Variants in TMEM132B observed in about 807,000 individuals in gnomAD.
The protein encoded by TMEM132B is transmembrane protein 132B.
Under a neutral mutation model 90.8 loss-of-function variants are expected in TMEM132B, and 18 were observed. The ratio of observed to expected loss-of-function variants is 0.20; its 90% CI spans 0.14 to 0.29. The LOEUF (loss-of-function observed/expected upper bound fraction) is 0.29. TMEM132B is among the 10% of genes least tolerant of loss of function. The pLI, the probability that TMEM132B is intolerant of heterozygous loss-of-function variation, is 1.00. For missense variants in TMEM132B, 1,096 were observed against 1,326.8 expected, an observed-to-expected ratio of 0.83 and a Z score of 2.70; for synonymous variants, 504 against 523.3, an observed-to-expected ratio of 0.96 and a Z score of 0.50.
chr12:125,616,275 T>A (rs1398172268), intron 5 of TMEM132B, among the ~76,000 whole-genome samples: 1 of 152,104 alleles, frequency 6.6e-6, no homozygotes, highest in East Asian at 1.9e-4. Context: ...AACTCATCAT[T>A]TTTTATGGCT....
intron 1 of TMEM132B, among the ~76,000 whole-genome samples, chr12:125,315,176 G>A (rs1319328215): frequency 1.3e-5 from 2 of 152,264 alleles, no homozygotes; most frequent in Middle Eastern, 3.2e-3. Flanking sequence ...GTGCCTACGC[G>A]AAGGCGCATA....
At position 125,661,214 on chromosome 12, in the gene TMEM132B, C is replaced by T. The variant is rs1322315979; in HGVS notation, c.*6504C>T. 6.6e-6 allele frequency: 1 copy of T among 152,208 alleles called. No individual in the cohort carries two copies. The highest frequency in any genetic ancestry group is 1.9e-4 in the East Asian group (1 of 5,194). 9.4% of individuals were successfully genotyped at this position (152,208 alleles called of 1,614,324 possible). On this transcript the variant is annotated 3_prime_UTR_variant, in exon 9 of 9. Transcript: ENST00000682704. Reference sequence around the variant, plus strand: ...CTGACCATATGATATAGTTATTTCACTTAGAGATGCTTCCTCAAAGAGCGT... The same window carrying T: ...CTGACCATATGATATAGTTATTTCATTTAGAGATGCTTCCTCAAAGAGCGT...
At chr12:125,352,221 A>T (rs1877610374) in intron 2 of TMEM132B, among the ~76,000 whole-genome samples, 1 of 152,258 alleles carries the variant, frequency 6.6e-6, no homozygotes, top group African/African-American at 2.4e-5. Context: ...AATGCTGCAT[A>T]TCAGTGGAAA....
rs1041372073 is a variant in TMEM132B, at chr12:125,490,207, A to G, written c.1107-29232A>G. Among the ~76,000 whole-genome samples the G allele has an allele frequency of 2.0e-4, 30 of 152,132 alleles. No individual in the cohort carries two copies. The highest frequency in any genetic ancestry group is 7.0e-4 in the African/African-American group (29 of 41,440). ...CCAGGTACTGTGTTGAATACTTTAC[A>G]TATATTACTAATTAAATTCTCATAT... On this transcript the variant is annotated intron_variant, in intron 3 of 8. Transcript: ENST00000682704. This position sits in a 1 kb window ranked among gnomAD's most constrained non-coding sequence, Gnocchi z 4.2.
chr12:125,344,377 A>G (rs1204746338), intron 1 of TMEM132B, among the ~76,000 whole-genome samples: 1 of 152,244 alleles, frequency 6.6e-6, no homozygotes, highest in Non-Finnish European at 1.5e-5. Context: ...TTAGAAATTA[A>G]GAACAGCAGG....
At position 125,651,752 on chromosome 12, in the gene TMEM132B, C is replaced by G. The variant is rs541765803; in HGVS notation, c.1915-689C>G. ...CTCCAGGTCTCGGCTGGCCTGGGCT[C>G]TTATCTGGGAGTTTGGGGAAAGGCT... On this transcript the variant is annotated intron_variant, in intron 7 of 8. Coordinates refer to ENST00000682704, the MANE Select transcript of TMEM132B (RefSeq NM_001366854.1). Among the ~76,000 whole-genome samples the G allele has an allele frequency of 2.0e-4, 30 of 152,248 alleles. No individual in the cohort carries two copies. In the South Asian group the frequency reaches 6.0e-3, roughly 30 times the overall value.
At chr12:125,501,538 A>G (rs1270619482) in intron 3 of TMEM132B, among the ~76,000 whole-genome samples, 1 of 147,722 alleles carries the variant, frequency 6.8e-6, no homozygotes, top group African/African-American at 2.5e-5. Context: ...TCCCCACCCC[A>G]CCCCCGACAG....
chr12:125,351,566 A>G (rs1313632284), intron 2 of TMEM132B, among the ~76,000 whole-genome samples: 3 of 152,202 alleles, frequency 2.0e-5, no homozygotes, highest in East Asian at 3.8e-4. Flanking sequence ...ACCATAAACT[A>G]TATATAAAGA....
At chr12:125,448,191 G>A (rs1185088996) in intron 3 of TMEM132B, among the ~76,000 whole-genome samples, 3 of 151,938 alleles carry the variant, frequency 2.0e-5, no homozygotes, top group Admixed American at 1.3e-4. Flanking sequence ...TTGAACCCAG[G>A]AGGTGAAGGT....
chr12:125,394,612 T>G (rs1256692150), intron 2 of TMEM132B, among the ~76,000 whole-genome samples: 1 of 152,320 alleles, frequency 6.6e-6, no homozygotes, highest in East Asian at 1.9e-4. Flanking sequence ...TGGGTTGATA[T>G]CTTGAGTTCA....
rs148117352 is a variant in TMEM132B at position 125,210,864 on chromosome 12, G to A, written c.67+23998G>A. Among the ~76,000 whole-genome samples the A allele has an allele frequency of 4.4e-3, 666 of 152,272 alleles. 4 individuals carry two copies. Among genetic ancestry groups the A allele is most frequent in the African/African-American group, 0.015 (634 of 41,542 alleles). ...TGTAGTCCCAGCTACTTGGGAGGCT[G>A]AGGCAGGAGGACCACTTGACCCCAG... On this transcript the variant is annotated intron_variant, in intron 1 of 8. Transcript: ENST00000682704.
At chr12:125,278,985 C>A (rs1457886343) in intron 1 of TMEM132B, among the ~76,000 whole-genome samples, 1 of 152,176 alleles carries the variant, frequency 6.6e-6, no homozygotes, top group Non-Finnish European at 1.5e-5. Flanking sequence ...AAATGGCTCC[C>A]TCTAGCCCGG....
At chr12:125,260,298 G>A (rs1308843556) in intron 1 of TMEM132B, among the ~76,000 whole-genome samples, 1 of 152,180 alleles carries the variant, frequency 6.6e-6, no homozygotes, top group Non-Finnish European at 1.5e-5. Context: ...TCCAGGGTTT[G>A]CCAAGCTGCC....
intron 1 of TMEM132B, among the ~76,000 whole-genome samples, chr12:125,274,423 C>T (rs201285692): frequency 1.3e-5 from 2 of 152,358 alleles, no homozygotes; most frequent in East Asian, 3.9e-4. Flanking sequence ...CATATGTTCA[C>T]TGCATCTTCA....
intron 3 of TMEM132B, among the ~76,000 whole-genome samples, chr12:125,466,397 T>C (rs551438424): frequency 3.7e-4 from 57 of 152,220 alleles, no homozygotes; most frequent in African/African-American, 1.3e-3. Flanking sequence ...GAAGGGAAAA[T>C]GAAATACAGA....
intron 5 of TMEM132B, among the ~76,000 whole-genome samples, chr12:125,617,668 T>G (rs1224984181): frequency 6.6e-6 from 1 of 152,170 alleles, no homozygotes; most frequent in Non-Finnish European, 1.5e-5. Flanking sequence ...ACATGATATT[T>G]CTGTTAAATT....
At chr12:125,262,750 A>G (rs755133467) in intron 1 of TMEM132B, among the ~76,000 whole-genome samples, 3 of 152,276 alleles carry the variant, frequency 2.0e-5, no homozygotes, top group Non-Finnish European at 4.4e-5. Context: ...ACATCTTTGT[A>G]GAAGTGAAGA....
chr12:125,392,438 T>C (rs1879052286), intron 2 of TMEM132B, among the ~76,000 whole-genome samples: 1 of 152,230 alleles, frequency 6.6e-6, no homozygotes, highest in African/African-American at 2.4e-5. Context: ...TATCCCCACT[T>C]TCCAGACATG....
In TMEM132B at chr12:125,275,117, G is replaced by A. The variant is rs571127081; in HGVS notation, c.68-74335G>A. On this transcript the variant is annotated intron_variant, in intron 1 of 8. Transcript: ENST00000682704. ...ACCCAACTTCCTCATTCAAAGCGCC[G>A]TCCCAAACCCAGCTAACCCGGAACG... 4.6e-5 allele frequency among the ~76,000 whole-genome samples: 7 copies of A among 152,062 alleles called. No homozygotes were observed. In the South Asian group the frequency reaches 1.0e-3, roughly 23 times the overall value.
Sources: gnomAD v4.1 joint callset for allele counts (sites outside exome capture counted in the v4.1 genomes callset) on GRCh38, gnomAD v4.1.1 for gene constraint, Gnocchi (gnomAD v3.1) non-coding constraint, MANE v1.5 for transcripts, NCBI Gene and HGNC (gene_info 2026-07-23, HGNC 2026-07-21) for gene names.